EDA2R: variants seen among roughly 807,000 people sequenced by gnomAD.
EDA2R encodes tumor necrosis factor receptor superfamily member 27.
A neutral mutation model predicts 20.1 loss-of-function variants in EDA2R; 26 were observed. That is an observed-to-expected ratio of 1.30 (90% CI 0.95 to 1.80). EDA2R has a LOEUF of 1.80. Among genes scored for constraint, EDA2R ranks in the 40% most tolerant of loss-of-function variants. The probability of loss-of-function intolerance (pLI) is 0.00; values close to 1 mark genes in which losing one functional copy is unlikely to be tolerated. For missense variants in EDA2R, 277 were observed against 228.7 expected (o/e 1.21, Z -1.36); for synonymous variants, 114 against 88.7 (o/e 1.29, Z -1.60).
intron 2 of EDA2R, among the ~76,000 whole-genome samples, chrX:66,606,471 T>C (rs1324394211): frequency 9.0e-6 from 1 of 111,652 alleles, no homozygotes; most frequent in Non-Finnish European, 1.9e-5. Context: ...ATAAATATAT[T>C]AAGAATGATA....
At chrX:66,610,284 C>CAA (rs1930509470) in intron 2 of EDA2R, among the ~76,000 whole-genome samples, 1 of 107,944 alleles carries the variant, frequency 9.3e-6, no homozygotes, top group African/African-American at 3.4e-5. Flanking sequence ...CACACACACA[C>CAA]ACACACACAC....
At chrX:66,605,307 G>A in intron 2 of EDA2R, 81 bp from the exon 3 acceptor site, 1 of 957,481 alleles carries the variant, frequency 1.0e-6, no homozygotes, top group Non-Finnish European at 1.4e-6. Context: ...GGACTGTACA[G>A]GGTAGTATTT....
In EDA2R at chrX:66,597,972, A is replaced by T; in HGVS notation, c.*132T>A. ...ATCCTCTGGTGGGATGGGATAGGAT[A>T]TGCCCCATCTGTAGGGTATTAGCTC... is the stretch of plus-strand genomic sequence containing the variant. On this transcript the variant is annotated 3_prime_UTR_variant, in exon 7 of 7. Transcript: ENST00000374719. 1.2e-6 allele frequency: 1 copy of T among 868,869 alleles called. No homozygotes were observed. Among genetic ancestry groups the T allele is most frequent in the Non-Finnish European group, 1.5e-6 (1 of 670,074 alleles). The allele number at this position is 868,869 out of a possible 1,213,427, so 71.6% of individuals were successfully genotyped here. A position where few individuals can be genotyped will look rare whatever the true frequency, so the allele number is the denominator to read the frequency against.
At position 66,605,054 on chromosome X, in the gene EDA2R, A is replaced by G; in HGVS notation, c.260T>C (p.Leu87Ser). The G allele has an allele frequency of 8.3e-7, 1 of 1,202,552 alleles. No homozygotes were observed. ...TCTCATAAAGCAAGCTCACCTGGGC[A>G]AACAGTCCCCACAGACAGCATTAGA... ...ATSNAVCGDCLPRFYRKTRIG... is the reference protein window; with the variant it reads ...ATSNAVCGDCSPRFYRKTRIG... Residue 87 changes from leucine to serine, a missense_variant, in exon 3 of 7, where the codon TTG becomes TCG. Leu to Ser is a moderately radical substitution (Grantham distance 145). Transcript: ENST00000374719.
At chrX:66,619,545 AC>A (rs1376134262) in intron 1 of EDA2R, among the ~76,000 whole-genome samples, 4 of 111,627 alleles carry the variant, frequency 3.6e-5, no homozygotes, top group Non-Finnish European at 7.5e-5. Flanking sequence ...CATTTTTTTC[AC>A]CCCAACTCTG....
At chrX:66,619,028 G>A (rs1459938160) in intron 1 of EDA2R, among the ~76,000 whole-genome samples, 1 of 112,073 alleles carries the variant, frequency 8.9e-6, no homozygotes, top group African/African-American at 3.2e-5. Context: ...TAATTAGCAG[G>A]TTCCCTTTCT....
intron 1 of EDA2R, among the ~76,000 whole-genome samples, chrX:66,618,428 G>C (rs756694430): frequency 3.6e-5 from 4 of 111,619 alleles, no homozygotes; most frequent in African/African-American, 1.3e-4. Context: ...ATATGTAACC[G>C]CCTTTTAAAA....
intron 1 of EDA2R, among the ~76,000 whole-genome samples, chrX:66,617,243 A>C (rs1931868631): frequency 8.9e-6 from 1 of 112,137 alleles, no homozygotes; most frequent in Non-Finnish European, 1.9e-5. Flanking sequence ...AGTCATTCTA[A>C]ATGGCATTCC....
chrX:66,604,361 C>A, intron 4 of EDA2R, 60 bp downstream of exon 4: 1 of 1,088,507 alleles, frequency 9.2e-7, no homozygotes, highest in East Asian at 3.1e-5. Context: ...TCTTTACTAC[C>A]CTATCTTGCT....
At chrX:66,635,329 G>A (rs1305840549) in intron 1 of EDA2R, among the ~76,000 whole-genome samples, 2 of 112,191 alleles carry the variant, frequency 1.8e-5, no homozygotes, top group East Asian at 2.8e-4. Context: ...AATAGTAGTC[G>A]TATTTTACAT....
intron 2 of EDA2R, among the ~76,000 whole-genome samples, chrX:66,608,400 C>A (rs1347231726): frequency 9.0e-6 from 1 of 111,272 alleles, no homozygotes; most frequent in African/African-American, 3.3e-5. Context: ...GATACACTAT[C>A]AAAAAATGTT....
At chrX:66,606,171 G>T (rs1929645034) in intron 2 of EDA2R, among the ~76,000 whole-genome samples, 2 of 112,092 alleles carry the variant, frequency 1.8e-5, no homozygotes, top group African/African-American at 3.2e-5. Context: ...CTTTCTCAAA[G>T]AAACAATTCT....
At position 66,631,005 on chromosome X, in the gene EDA2R, TTGTGTGTATATATACATATACACACACA is replaced by T. The variant is rs1169238160; in HGVS notation, c.-11+7962_-11+7989del. On this transcript the variant is annotated intron_variant, in intron 1 of 6. Transcript: ENST00000374719. ...TGTGTATGTACATAAAAACACACGT[TTGTGTGTATATATACATATACACACACA>T]TGTGTGTATATGTATATATACACAT... is the stretch of plus-strand genomic sequence containing the variant. Among the ~76,000 whole-genome samples the T allele has an allele frequency of 5.7e-4, 62 of 109,211 alleles. 1 individual carries two copies. In the South Asian group the frequency reaches 0.023, roughly 40 times the overall value. 94.8% of individuals were successfully genotyped at this position (109,211 alleles called of 115,157 possible). A position where few individuals can be genotyped will look rare whatever the true frequency, so the allele number is the denominator to read the frequency against.
intron 1 of EDA2R, among the ~76,000 whole-genome samples, chrX:66,631,319 C>A: frequency 9.0e-6 from 1 of 111,029 alleles, no homozygotes; most frequent in South Asian, 3.9e-4. Flanking sequence ...ATAACATATC[C>A]ATGCAACCAA....
At chrX:66,632,412 TCAAA>T (rs1182523212) in intron 1 of EDA2R, among the ~76,000 whole-genome samples, 1 of 104,989 alleles carries the variant, frequency 9.5e-6, no homozygotes, top group East Asian at 3.0e-4. Context: ...TGACAGATTC[TCAAA>T]CAAAGAAGAA....
At chrX:66,631,320 A>G (rs948368744) in intron 1 of EDA2R, among the ~76,000 whole-genome samples, 2 of 111,107 alleles carry the variant, frequency 1.8e-5, no homozygotes, top group African/African-American at 3.3e-5. Flanking sequence ...TAACATATCC[A>G]TGCAACCAAA....
At chrX:66,605,015 C>G in intron 3 of EDA2R, 33 bp downstream of exon 3, 2 of 1,153,732 alleles carry the variant, frequency 1.7e-6, no homozygotes, top group Non-Finnish European at 2.3e-6. Flanking sequence ...CTAGAAAAGC[C>G]CAGACAAGCT....
At chrX:66,629,064 C>A (rs772755995) in intron 1 of EDA2R, among the ~76,000 whole-genome samples, 1 of 111,555 alleles carries the variant, frequency 9.0e-6, no homozygotes, top group Non-Finnish European at 1.9e-5. Flanking sequence ...GTGATATACC[C>A]CATAAACAGA....
At chrX:66,616,173 T>C in intron 1 of EDA2R, 143 bp from the exon 2 acceptor site, 1 of 449,578 alleles carries the variant, frequency 2.2e-6, no homozygotes, top group Non-Finnish European at 4.0e-6. Context: ...ACAAAAGAGT[T>C]AATGCTTATG....
Sources: allele counts gnomAD v4.1 joint callset (sites outside exome capture counted in the v4.1 genomes callset), GRCh38; gene constraint gnomAD v4.1.1; transcripts MANE v1.5; gene names NCBI Gene and HGNC (gene_info 2026-07-23, HGNC 2026-07-21).